Variants in LRRC74B observed in about 807,000 individuals in gnomAD.
The protein encoded by LRRC74B is leucine rich repeat containing 74B.
In LRRC74B, 30 loss-of-function variants were observed where a neutral mutation model predicts 16.6. The ratio of observed to expected loss-of-function variants is 1.80; its 90% CI spans 1.35 to 2.45. The LOEUF (loss-of-function observed/expected upper bound fraction) is 2.45. Ranked by LOEUF, LRRC74B falls within the 30% of genes most tolerant of loss-of-function variation. The probability of loss-of-function intolerance (pLI) is 0.00; values close to 1 mark genes in which losing one functional copy is unlikely to be tolerated. For synonymous variants in LRRC74B, 134 were observed against 86.0 expected, an observed-to-expected ratio of 1.56 and a Z score of -3.09; for missense variants, 326 against 202.4, an observed-to-expected ratio of 1.61 and a Z score of -3.71.
intron 3 of LRRC74B, 28 bp downstream of exon 3, chr22:21,048,044 C>T (rs1455389101): frequency 2.8e-6 from 2 of 716,594 alleles, no homozygotes; most frequent in Non-Finnish European, 5.2e-6. Flanking sequence ...GGCAGGTGGG[C>T]AGGCGTGTCC....
At chr22:21,060,260 A>G in intron 8 of LRRC74B, 113 bp from the exon 9 acceptor site, 3 of 613,586 alleles carry the variant, frequency 4.9e-6, no homozygotes, top group South Asian at 2.1e-5. Flanking sequence ...ACTGTCATCC[A>G]CAGGGGAGAA....
At chr22:21,047,524 A>C (rs893914286) in intron 2 of LRRC74B, 26 bp downstream of exon 2, 3 of 716,372 alleles carry the variant, frequency 4.2e-6, no homozygotes, top group Non-Finnish European at 5.2e-6. Flanking sequence ...CACTGTATCC[A>C]GGCTTACGGG....
chr22:21,049,097 C>T (rs951463218), exon 4 of LRRC74B: 2 of 716,204 alleles, frequency 2.8e-6, no homozygotes, highest in African/African-American at 1.7e-5. Context: ...CGAACTCCTG[C>T]TGGCCCACAC....
chr22:21,053,795 T>C (rs1260858390), intron 6 of LRRC74B: 1 of 188,064 alleles, frequency 5.3e-6, no homozygotes, highest in Non-Finnish European at 1.1e-5. Context: ...GGCTAATTTT[T>C]TCTTTTTTGT....
At chr22:21,057,060 C>T (rs917666998) in intron 7 of LRRC74B, 45 bp from the exon 8 acceptor site, 1 of 715,282 alleles carries the variant, frequency 1.4e-6, no homozygotes, top group Non-Finnish European at 2.6e-6. Context: ...GCTCTCTGGC[C>T]TTCCCGGACC....
In LRRC74B at chr22:21,052,350, G is replaced by GGA; in HGVS notation, c.725_726dup (p.Leu243AspfsTer11). On this transcript the variant is annotated frameshift_variant, in exon 5 of 9. Transcript: ENST00000442047. LOFTEE classifies it high-confidence loss of function. Reference sequence around the variant, plus strand: ...CCCAGGAGCTGTGGCATTTGCCAGGGGACTGGAGGTATGAAGCCCCCACCT... The same window carrying GGA: ...CCCAGGAGCTGTGGCATTTGCCAGGGGAGACTGGAGGTATGAAGCCCCCACCT... 1.4e-6 allele frequency: 1 copy of GGA among 717,394 alleles called. No individual in the cohort carries two copies. Among genetic ancestry groups the GGA allele is most frequent in the Non-Finnish European group, 2.6e-6 (1 of 385,100 alleles). 44.4% of individuals were successfully genotyped at this position (717,394 alleles called of 1,614,324 possible).
intron 1 of LRRC74B, among the ~76,000 whole-genome samples, chr22:21,046,832 C>T (rs1929482398): frequency 6.6e-6 from 1 of 151,990 alleles, no homozygotes; most frequent in Non-Finnish European, 1.5e-5. Flanking sequence ...TGGCTCACGC[C>T]TGTAATCACA....
chr22:21,062,712 CAAAAAAAAAAAA>C (rs71188206), downstream of LRRC74B: 2 of 60,856 alleles, frequency 3.3e-5, no homozygotes, highest in South Asian at 6.1e-4. Flanking sequence ...GACTCGGTCT[CAAAAAAAAAAAA>C]AAAAAAAAAA....
chr22:21,061,456 C>A (rs1930802368), downstream of LRRC74B, among the ~76,000 whole-genome samples: 1 of 152,132 alleles, frequency 6.6e-6, no homozygotes, highest in African/African-American at 2.4e-5. Context: ...CTTAACCATT[C>A]ATGAAAATAC....
At chr22:21,058,384 C>G (rs1243143467) in intron 8 of LRRC74B, among the ~76,000 whole-genome samples, 1 of 152,038 alleles carries the variant, frequency 6.6e-6, no homozygotes, top group African/African-American at 2.4e-5. Flanking sequence ...GCATGTGGCA[C>G]ATACCCGTAG....
At chr22:21,056,533 T>C (rs1930531703) in intron 7 of LRRC74B, 1 of 150,044 alleles carries the variant, frequency 6.7e-6, no homozygotes, top group South Asian at 2.1e-4. Context: ...TAGCATGTCA[T>C]GGGGGATCTG....
exon 6 of LRRC74B, chr22:21,053,368 C>T (rs1233753239): frequency 5.6e-6 from 4 of 716,784 alleles, no homozygotes; most frequent in African/African-American, 5.2e-5. Flanking sequence ...AGGCAAACAT[C>T]TTCCTTAAAG....
At chr22:21,048,044 C>A in intron 3 of LRRC74B, 28 bp downstream of exon 3, 1 of 716,712 alleles carries the variant, frequency 1.4e-6, no homozygotes, top group Non-Finnish European at 2.6e-6. Context: ...GGCAGGTGGG[C>A]AGGCGTGTCC....
At chr22:21,052,616 C>A (rs1282472072) in intron 5 of LRRC74B, among the ~76,000 whole-genome samples, 1 of 151,580 alleles carries the variant, frequency 6.6e-6, no homozygotes, top group Non-Finnish European at 1.5e-5. Context: ...AGACACCCAG[C>A]TGGGAAGGGA....
intron 3 of LRRC74B, chr22:21,048,277 T>C: frequency 2.1e-6 from 1 of 473,554 alleles, no homozygotes; most frequent in South Asian, 2.1e-5. Flanking sequence ...CCTCTTCACC[T>C]AGCACATGGG....
chr22:21,047,291 G>A (rs1435094587), intron 1 of LRRC74B, 65 bp from the exon 2 acceptor site: 2 of 688,508 alleles, frequency 2.9e-6, no homozygotes, highest in Non-Finnish European at 5.4e-6. Flanking sequence ...GTGACACAGG[G>A]CAGGGGAGGA....
chr22:21,060,436 C>G, exon 9 of LRRC74B: 1 of 717,084 alleles, frequency 1.4e-6, no homozygotes, highest in Non-Finnish European at 2.6e-6. Flanking sequence ...TCTTCCAGAA[C>G]TCTGCATAAA....
At chr22:21,057,340 G>A (rs1601822457) in intron 8 of LRRC74B, 140 bp downstream of exon 8, 6 of 615,214 alleles carry the variant, frequency 9.8e-6, no homozygotes, top group East Asian at 2.8e-5. Flanking sequence ...GAGTTGCAAC[G>A]GGACTTGAAT....
rs5997218 is a variant in LRRC74B at position 21,046,214 on chromosome 22, G to A, written c.139+89G>A. The A allele has an allele frequency of 4.2e-3, 2,861 of 678,008 alleles. 44 individuals carry two copies. Among genetic ancestry groups the A allele is most frequent in the African/African-American group, 0.034 (1,885 of 56,228 alleles). 42.0% of individuals were successfully genotyped at this position (678,008 alleles called of 1,614,324 possible). On this transcript the variant is annotated intron_variant, in intron 1 of 8. Coordinates refer to ENST00000442047, the Ensembl canonical transcript of LRRC74B. Reference sequence around the variant, plus strand: ...GGGAGGCGGGCTGGGGCTAAGGCCAGCAGGGAACGTACCCGCCTGCGGGGC... The same window carrying A: ...GGGAGGCGGGCTGGGGCTAAGGCCAACAGGGAACGTACCCGCCTGCGGGGC...
Sources: allele counts gnomAD v4.1 joint callset (sites outside exome capture counted in the v4.1 genomes callset), GRCh38; gene constraint gnomAD v4.1.1; transcripts MANE v1.5; gene names NCBI Gene and HGNC (gene_info 2026-07-23, HGNC 2026-07-21).